GMDS: variants seen among roughly 807,000 people sequenced by gnomAD.
The protein encoded by GMDS is GDP-mannose 4,6-dehydratase, also known as GDP-mannose 4,6 dehydratase.
Under a neutral mutation model 49.9 loss-of-function variants are expected in GMDS, and 20 were observed. The observed-to-expected ratio is 0.40, with a 90% confidence interval of 0.28 to 0.58. The LOEUF (loss-of-function observed/expected upper bound fraction) is 0.58. Among genes scored for constraint, GMDS ranks in the 20% least tolerant of loss-of-function variants. GMDS has a pLI of 0.42. For missense variants in GMDS, 362 were observed against 481.4 expected (o/e 0.75, Z 2.32); for synonymous variants, 177 against 178.6 (o/e 0.99, Z 0.07).
intron 1 of GMDS, among the ~76,000 whole-genome samples, chr6:2,167,321 A>C (rs1374475424): frequency 1.3e-5 from 2 of 152,012 alleles, no homozygotes; most frequent in Non-Finnish European, 2.9e-5. Context: ...CTTGATACTT[A>C]CCACACCCAT....
intron 4 of GMDS, among the ~76,000 whole-genome samples, chr6:2,074,399 T>G (rs759581615): frequency 6.6e-6 from 1 of 152,234 alleles, no homozygotes; most frequent in African/African-American, 2.4e-5. Flanking sequence ...CCTGCACATT[T>G]TGGATATCAG....
At position 2,124,672 on chromosome 6, in the gene GMDS, C is replaced by CG; in HGVS notation, c.147+14_147+15insC. 1 of 1,610,074 alleles carries CG rather than the reference C, an allele frequency of 6.2e-7. No individual in the cohort carries two copies. The highest frequency in any genetic ancestry group is 8.5e-7 in the Non-Finnish European group (1 of 1,176,426). ...ACCCCACCAGCCTGCGCCCGCTTCC[C>CG]ATTGAGTCACCCACCTCATAGCCTT... On this transcript the variant is annotated intron_variant, in intron 2 of 10. Transcript: ENST00000380815.
intron 4 of GMDS, among the ~76,000 whole-genome samples, chr6:2,114,037 T>C (rs937096030): frequency 6.6e-6 from 1 of 152,160 alleles, no homozygotes; most frequent in Non-Finnish European, 1.5e-5. Flanking sequence ...AACACTATCA[T>C]GATCACTACA....
chr6:1,696,712 T>A (rs996641303), intron 9 of GMDS, among the ~76,000 whole-genome samples: 2 of 152,222 alleles, frequency 1.3e-5, no homozygotes, highest in Non-Finnish European at 2.9e-5. Context: ...AGAGCCGGTA[T>A]CTGGAAGAAG....
At chr6:1,906,046 T>C (rs1427669654) in intron 7 of GMDS, among the ~76,000 whole-genome samples, 2 of 151,800 alleles carry the variant, frequency 1.3e-5, no homozygotes, top group Non-Finnish European at 2.9e-5. Flanking sequence ...CAAAAAACGA[T>C]ACAATGATCT....
At chr6:1,938,920 A>ACCCTTCCTTCTT (rs1561906737) in intron 6 of GMDS, among the ~76,000 whole-genome samples, 2 of 149,422 alleles carry the variant, frequency 1.3e-5, no homozygotes, top group African/African-American at 4.9e-5. Context: ...CGGCCATTTA[A>ACCCTTCCTTCTT]CCCTTCCTTC....
chr6:1,659,715 AC>A (rs1395993503), intron 9 of GMDS, among the ~76,000 whole-genome samples: 1 of 152,118 alleles, frequency 6.6e-6, no homozygotes, highest in Non-Finnish European at 1.5e-5. Context: ...GACACTTTTC[AC>A]CCTGACCATG....
chr6:2,068,759 A>G (rs1771784374), intron 4 of GMDS, among the ~76,000 whole-genome samples: 1 of 152,190 alleles, frequency 6.6e-6, no homozygotes, highest in African/African-American at 2.4e-5. Context: ...GCTCAAGGAA[A>G]TAAAAGAGGA....
chr6:2,229,445 G>C (rs1485892340), intron 1 of GMDS, among the ~76,000 whole-genome samples: 1 of 150,946 alleles, frequency 6.6e-6, no homozygotes, highest in East Asian at 1.9e-4. Flanking sequence ...AATGAGTCAC[G>C]TGTGGTGGCA....
chr6:1,851,824 A>G (rs1757687214), intron 7 of GMDS, among the ~76,000 whole-genome samples: 1 of 152,186 alleles, frequency 6.6e-6, no homozygotes, highest in African/African-American at 2.4e-5. Flanking sequence ...CTTGTTCACA[A>G]CAAGCACCTT....
intron 4 of GMDS, among the ~76,000 whole-genome samples, chr6:1,990,368 T>C (rs2127361761): frequency 6.6e-6 from 1 of 152,270 alleles, no homozygotes; most frequent in East Asian, 1.9e-4. Flanking sequence ...CAAGTCCCTG[T>C]CCCTTTGGCC....
chr6:1,982,953 G>T (rs953604828), intron 4 of GMDS, among the ~76,000 whole-genome samples: 7 of 152,110 alleles, frequency 4.6e-5, no homozygotes, highest in African/African-American at 1.7e-4. Context: ...AAAACTGGAG[G>T]CATCATGCTA....
chr6:2,110,785 A>T (rs1774504440), intron 4 of GMDS, among the ~76,000 whole-genome samples: 1 of 152,238 alleles, frequency 6.6e-6, no homozygotes, highest in South Asian at 2.1e-4. Context: ...TAATACAGAT[A>T]TTTAAAGGGT....
Position 1,692,966 on chromosome 6 carries a change from G to A in GMDS, c.987+33450C>T, listed in dbSNP as rs73403786. Among the ~76,000 whole-genome samples, 1,505 of 152,150 alleles carry A rather than the reference G, an allele frequency of 9.9e-3. 21 individuals carry two copies. Among genetic ancestry groups the A allele is most frequent in the African/African-American group, 0.033 (1,388 of 41,500 alleles). On this transcript the variant is annotated intron_variant, in intron 9 of 10. Transcript: ENST00000380815. ...ATTAATTGTGAAATTTATCTTCTGG[G>A]GCAGTAGATATTTTTGTATTCCTGT... is the stretch of plus-strand genomic sequence containing the variant.
At chr6:2,198,944 G>A (rs1008534138) in intron 1 of GMDS, among the ~76,000 whole-genome samples, 3 of 152,190 alleles carry the variant, frequency 2.0e-5, no homozygotes, top group Non-Finnish European at 2.9e-5. Context: ...GCTTGGTAAT[G>A]GCTTACAGCT....
chr6:1,740,540 G>A (rs1024353953), intron 8 of GMDS, among the ~76,000 whole-genome samples: 4 of 149,036 alleles, frequency 2.7e-5, no homozygotes, highest in Admixed American at 6.7e-5. Flanking sequence ...CTGGGGGACA[G>A]AGTGAGACTC....
At chr6:2,091,059 C>T (rs916544046) in intron 4 of GMDS, among the ~76,000 whole-genome samples, 26 of 152,114 alleles carry the variant, frequency 1.7e-4, no homozygotes, top group African/African-American at 6.3e-4. Context: ...GAGTTGCCAA[C>T]TAAATTGCTT....
chr6:2,002,111 T>C (rs552577587), intron 4 of GMDS, among the ~76,000 whole-genome samples: 3 of 152,292 alleles, frequency 2.0e-5, no homozygotes, highest in Non-Finnish European at 4.4e-5. Flanking sequence ...TTTAAAATGG[T>C]CTTGAAGGGA....
intron 7 of GMDS, among the ~76,000 whole-genome samples, chr6:1,876,896 G>C (rs1255641195): frequency 1.3e-5 from 2 of 152,204 alleles, no homozygotes; most frequent in Non-Finnish European, 2.9e-5. Flanking sequence ...CCAGGAGAAA[G>C]TGACCACATT....
Sources: allele counts gnomAD v4.1 joint callset (sites outside exome capture counted in the v4.1 genomes callset), GRCh38; gene constraint gnomAD v4.1.1; transcripts MANE v1.5; gene names NCBI Gene and HGNC (gene_info 2026-07-23, HGNC 2026-07-21).